The following UNC80 variants were observed in gnomAD, a reference collection of about 807,000 sequenced individuals.
The protein encoded by UNC80 is unc-80 subunit of NALCN channel complex, also known as protein unc-80 homolog.
UNC80 carries 164 observed loss-of-function variants against 384.6 expected under a neutral mutation model. The ratio of observed to expected loss-of-function variants is 0.43; its 90% CI spans 0.38 to 0.49. The LOEUF (loss-of-function observed/expected upper bound fraction) is 0.49. UNC80 is among the 20% of genes least tolerant of loss of function. The pLI, the probability that UNC80 is intolerant of heterozygous loss-of-function variation, is 0.00. For synonymous variants in UNC80, 1,486 were observed against 1,527.8 expected (o/e 0.97, Z 0.64); for missense variants, 3,330 against 4,143.0 (o/e 0.80, Z 5.39).
At chr2:209,782,305 A>G (rs2077194979) in intron 4 of UNC80, among the ~76,000 whole-genome samples, 1 of 152,174 alleles carries the variant, frequency 6.6e-6, no homozygotes, top group South Asian at 2.1e-4. Flanking sequence ...TGAACTCCAG[A>G]TGTTTGAAGT....
intron 21 of UNC80, among the ~76,000 whole-genome samples, chr2:209,844,455 CTTTCTTT>C (rs2081998387): frequency 2.5e-5 from 1 of 39,696 alleles, no homozygotes; most frequent in African/African-American, 1.2e-4. Context: ...CTTTTCTTTT[CTTTCTTT>C]CTTTCTTTCT....
At chr2:209,833,444 A>G (rs2081136332) in intron 16 of UNC80, among the ~76,000 whole-genome samples, 1 of 152,204 alleles carries the variant, frequency 6.6e-6, no homozygotes, top group Non-Finnish European at 1.5e-5. Context: ...TTCAGTTTGT[A>G]GTCGAGTTCA....
At chr2:209,981,696 T>C (rs1234453681) in intron 59 of UNC80, among the ~76,000 whole-genome samples, 1 of 152,262 alleles carries the variant, frequency 6.6e-6, no homozygotes, top group Non-Finnish European at 1.5e-5. Context: ...TTCTTAACTT[T>C]ATAGCTTTCA....
intron 7 of UNC80, among the ~76,000 whole-genome samples, chr2:209,807,161 G>A (rs2078951717): frequency 6.6e-6 from 1 of 152,064 alleles, no homozygotes; most frequent in Admixed American, 6.6e-5. Flanking sequence ...GAGCCATCAG[G>A]TAGCTATAAA....
intron 48 of UNC80, among the ~76,000 whole-genome samples, chr2:209,955,738 T>TACACACAC (rs1156428874): frequency 5.6e-5 from 3 of 53,556 alleles, no homozygotes; most frequent in Non-Finnish European, 6.2e-5. Context: ...TATATATATA[T>TACACACAC]ACACACACAC....
Position 209,954,265 on chromosome 2 carries a change from C to T in UNC80, c.7452C>T (p.Leu2484=), listed in dbSNP as rs1373630821. 1 of 1,503,624 alleles carries T rather than the reference C, an allele frequency of 6.7e-7. No homozygotes were observed. Among genetic ancestry groups the T allele is most frequent in the South Asian group, 1.3e-5 (1 of 75,202 alleles). 93.1% of individuals were successfully genotyped at this position (1,503,624 alleles called of 1,614,324 possible). A position where few individuals can be genotyped will look rare whatever the true frequency, so the allele number is the denominator to read the frequency against. Residue 2484 remains leucine (L), a synonymous_variant, in exon 48 of 65, where the codon CTC becomes CTT. Coordinates refer to ENST00000673920, the MANE Select transcript of UNC80 (RefSeq NM_001371986.1). ...LQALLYSVEV[L]TRPMTAPQMS... is the part of the protein sequence containing the mutation. ...CCCTTTTGTACAGTGTAGAGGTCCT[C>T]ACCAGGTAATCCCATTGGCAGAAAT...
chr2:209,843,088 G>A (rs1437051851), intron 21 of UNC80, among the ~76,000 whole-genome samples: 1 of 151,980 alleles, frequency 6.6e-6, no homozygotes, highest in Non-Finnish European at 1.5e-5. Flanking sequence ...AAACATCTTT[G>A]ATTTCTTTAC....
Position 209,967,455 on chromosome 2 carries a change from C to G in UNC80, c.7824C>G (p.His2608Gln). The change falls in exon 52 of 65, where the codon CAC (histidine) becomes CAG (glutamine). Residue 2608 changes from histidine to glutamine, a missense_variant. This residue lies in a region of UNC80 where 1,049 missense variants were observed against 1,488.6 expected (regional missense o/e 0.70). Coordinates refer to ENST00000673920, the MANE Select transcript of UNC80 (RefSeq NM_001371986.1). ...KSHMRLAEIA[H>Q]SLLKLAPYDT... ...ATTTTAGGTTGGCAGAAATTGCACA[C>G]TCCCTTCTGAAGCTGGCACCATATG... is the stretch of plus-strand genomic sequence containing the variant. The G allele has an allele frequency of 1.9e-6, 3 of 1,551,108 alleles. No individual in the cohort carries two copies. The highest frequency in any genetic ancestry group is 2.6e-6 in the Non-Finnish European group (3 of 1,146,826).
chr2:209,864,323 T>C (rs2083555589), intron 22 of UNC80, among the ~76,000 whole-genome samples: 1 of 152,122 alleles, frequency 6.6e-6, no homozygotes. Flanking sequence ...TTTCACCTAG[T>C]TGGGTGGCAC....
intron 22 of UNC80, among the ~76,000 whole-genome samples, chr2:209,856,641 A>G (rs1289761461): frequency 2.0e-5 from 3 of 152,114 alleles, no homozygotes; most frequent in African/African-American, 7.2e-5. Context: ...AAAAATAATT[A>G]TCCTAGCACA....
chr2:209,915,777 A>G (rs796999400), intron 31 of UNC80, among the ~76,000 whole-genome samples: 18 of 152,362 alleles, frequency 1.2e-4, no homozygotes, highest in African/African-American at 4.3e-4. Flanking sequence ...ACGAACCTAC[A>G]GTTACATAAA....
At chr2:209,825,758 G>A in intron 13 of UNC80, 149 bp from the exon 14 acceptor site, 1 of 660,776 alleles carries the variant, frequency 1.5e-6, no homozygotes, top group Non-Finnish European at 2.2e-6. Context: ...GAGCGTGTTT[G>A]TTGAGCCCGT....
At position 209,995,743 on chromosome 2, in the gene UNC80, C is replaced by A; in HGVS notation, c.*148C>A. ...CACAAATCTGAATAGGTTTTGCTGC[C>A]AATACACATGATGTTTCATAAACAT... On this transcript the variant is annotated 3_prime_UTR_variant, in exon 65 of 65. Transcript: ENST00000673920. 2 of 878,886 alleles carry A rather than the reference C, an allele frequency of 2.3e-6. No homozygotes were observed. Among genetic ancestry groups the A allele is most frequent in the Non-Finnish European group, 3.4e-6 (2 of 589,170 alleles). 54.4% of individuals were successfully genotyped at this position (878,886 alleles called of 1,614,324 possible).
At position 209,944,945 on chromosome 2, in the gene UNC80, T is replaced by TG. The variant is rs2091841557; in HGVS notation, c.7051-105dup. On this transcript the variant is annotated intron_variant, in intron 45 of 64. Transcript: ENST00000673920. ...TTATGTAAGCTGAATTCCAGGTAGA[T>TG]GTTGTACTTGTTACTGGTAATAGCA... 4 of 1,252,996 alleles carry TG rather than the reference T, an allele frequency of 3.2e-6. No individual in the cohort carries two copies. The East Asian group carries it at 1.0e-4, about 32-fold the overall frequency. The allele number at this position is 1,252,996 out of a possible 1,614,324, so 77.6% of individuals were successfully genotyped here.
chr2:209,933,621 A>G (rs2091045841), intron 38 of UNC80, among the ~76,000 whole-genome samples: 1 of 152,136 alleles, frequency 6.6e-6, no homozygotes, highest in Non-Finnish European at 1.5e-5. Context: ...TTAATGATAT[A>G]TAAAAATGTA....
intron 35 of UNC80, among the ~76,000 whole-genome samples, chr2:209,924,571 G>A (rs939762105): frequency 2.0e-5 from 3 of 151,880 alleles, no homozygotes; most frequent in East Asian, 1.9e-4. Context: ...GAGAGATGAC[G>A]AATTTCTCAG....
chr2:209,873,057 A>G, intron 23 of UNC80, 87 bp downstream of exon 23: 1 of 1,274,148 alleles, frequency 7.8e-7, no homozygotes, highest in Non-Finnish European at 1.1e-6. Flanking sequence ...TTTTGAAGAC[A>G]ATTTATTGAG....
intron 15 of UNC80, 51 bp downstream of exon 15, chr2:209,829,430 A>C: frequency 6.5e-7 from 1 of 1,544,768 alleles, no homozygotes; most frequent in South Asian, 1.2e-5. Context: ...GAGGTGAATC[A>C]GGTAGTGTTT....
chr2:209,777,159 A>G (rs2076913748), intron 3 of UNC80, 99 bp from the exon 4 acceptor site: 23 of 1,325,682 alleles, frequency 1.7e-5, no homozygotes, highest in Non-Finnish European at 2.4e-5. Context: ...TGTAAGAAGT[A>G]TAGAGAAAGG....
Sources: gnomAD v4.1 joint callset for allele counts (sites outside exome capture counted in the v4.1 genomes callset) on GRCh38, gnomAD v4.1.1 for gene constraint, gnomAD v4.1.1 regional missense constraint, MANE v1.5 for transcripts, NCBI Gene and HGNC (gene_info 2026-07-23, HGNC 2026-07-21) for gene names.